The following PRKAR1B variants were observed in gnomAD, a reference collection of about 807,000 sequenced individuals.
PRKAR1B encodes the protein protein kinase cAMP-dependent type I regulatory subunit beta.
In PRKAR1B, 22 loss-of-function variants were observed where a neutral mutation model predicts 46.5. That is an observed-to-expected ratio of 0.47 (90% confidence interval 0.34 to 0.68). PRKAR1B has a LOEUF of 0.68. Among genes scored for constraint, PRKAR1B ranks in the 30% least tolerant of loss-of-function variants. The pLI is 0.01. For missense variants in PRKAR1B, 445 were observed against 535.6 expected (o/e 0.83, Z 1.67); for synonymous variants, 259 against 217.7 (o/e 1.19, Z -1.67).
chr7:554,602 A>G (rs1299098268), intron 9 of PRKAR1B, among the ~76,000 whole-genome samples: 4 of 151,788 alleles, frequency 2.6e-5, no homozygotes, highest in Non-Finnish European at 4.4e-5. Flanking sequence ...AAGACAGGGG[A>G]GGCCACGGAT....
At chr7:652,097 G>A (rs562922899) in intron 4 of PRKAR1B, among the ~76,000 whole-genome samples, 139 of 116,272 alleles carry the variant, frequency 1.2e-3, no homozygotes, top group Non-Finnish European at 1.5e-3. Flanking sequence ...CACCCACACA[G>A]CGCTAGGAAC....
intron 1 of PRKAR1B, among the ~76,000 whole-genome samples, chr7:718,090 A>G (rs1780941568): frequency 6.6e-6 from 1 of 152,040 alleles, no homozygotes; most frequent in Non-Finnish European, 1.5e-5. Context: ...TGAATGCTGG[A>G]AACAACCAAG....
rs535065325 is a variant in PRKAR1B, at chr7:581,676, A to T, written c.770-2299T>A. 5.3e-4 allele frequency among the ~76,000 whole-genome samples: 80 copies of T among 152,340 alleles called. No homozygotes were observed. In the Middle Eastern group the frequency reaches 0.02, roughly 39 times the overall value. Reference sequence around the variant, plus strand: ...CTCCTGGCTACATTAATCTTGGATGAAAACTGACAGAAGAAACCACAGGGA... The same window carrying T: ...CTCCTGGCTACATTAATCTTGGATGTAAACTGACAGAAGAAACCACAGGGA... On this transcript the variant is annotated intron_variant, in intron 8 of 10. Transcript: ENST00000537384.
At chr7:634,791 C>T (rs1350121787) in intron 4 of PRKAR1B, among the ~76,000 whole-genome samples, 1 of 152,036 alleles carries the variant, frequency 6.6e-6, no homozygotes, top group Non-Finnish European at 1.5e-5. Context: ...AGGCACCCGC[C>T]ACCATGTCTG....
intron 1 of PRKAR1B, among the ~76,000 whole-genome samples, chr7:713,392 G>C (rs1242893552): frequency 6.6e-6 from 1 of 150,526 alleles, no homozygotes; most frequent in African/African-American, 2.4e-5. Context: ...TCACCTGCCC[G>C]GCTTCCCTGT....
At chr7:575,905 G>A (rs36036340) in intron 9 of PRKAR1B, among the ~76,000 whole-genome samples, 11,017 of 152,268 alleles carry the variant, frequency 0.072, 452 homozygotes, top group East Asian at 0.13. Flanking sequence ...GATTTCAGCT[G>A]TCGGTTTGCA....
intron 9 of PRKAR1B, among the ~76,000 whole-genome samples, chr7:574,887 T>A (rs1313189983): frequency 6.6e-6 from 1 of 152,234 alleles, no homozygotes; most frequent in Non-Finnish European, 1.5e-5. Flanking sequence ...TGTCAATGGT[T>A]GTAAAACCTA....
intron 4 of PRKAR1B, among the ~76,000 whole-genome samples, chr7:658,960 T>TA (rs1450356423): frequency 2.0e-5 from 3 of 152,092 alleles, no homozygotes; most frequent in African/African-American, 4.8e-5. Flanking sequence ...CTAATGTTTT[T>TA]AAAAAAATAT....
intron 3 of PRKAR1B, 38 bp downstream of exon 3, chr7:680,518 G>A: frequency 6.4e-7 from 1 of 1,571,912 alleles, no homozygotes; most frequent in Non-Finnish European, 8.6e-7. Context: ...CACGTGCCGA[G>A]GCCTGGGGAC....
intron 4 of PRKAR1B, among the ~76,000 whole-genome samples, chr7:637,619 A>T (rs1784186333): frequency 6.6e-6 from 1 of 152,104 alleles, no homozygotes; most frequent in Non-Finnish European, 1.5e-5. Context: ...GGATCACCTG[A>T]GGTCAGGAGA....
upstream of PRKAR1B, among the ~76,000 whole-genome samples, chr7:728,479 C>G (rs898828149): frequency 6.6e-6 from 1 of 152,104 alleles, no homozygotes; most frequent in Non-Finnish European, 1.5e-5. Flanking sequence ...AAGAGCTGGA[C>G]TTGGGGAAAT....
intron 7 of PRKAR1B, among the ~76,000 whole-genome samples, chr7:595,269 G>T (rs779022771): frequency 1.1e-4 from 17 of 152,182 alleles, no homozygotes; most frequent in Admixed American, 7.2e-4. Context: ...CTGCCCTGAG[G>T]CTCTGCTCAA....
chr7:624,757 A>G (rs1292479931), intron 4 of PRKAR1B, among the ~76,000 whole-genome samples: 1 of 152,236 alleles, frequency 6.6e-6, no homozygotes, highest in Non-Finnish European at 1.5e-5. Flanking sequence ...AGACAAATGC[A>G]CCATTATAGT....
intron 9 of PRKAR1B, among the ~76,000 whole-genome samples, chr7:558,905 A>G (rs1327642723): frequency 6.6e-6 from 1 of 152,114 alleles, no homozygotes; most frequent in South Asian, 2.1e-4. Flanking sequence ...GGATCACAGA[A>G]CTGGGGGCAG....
At chr7:651,375 C>G (rs956283803) in intron 4 of PRKAR1B, among the ~76,000 whole-genome samples, 1 of 152,226 alleles carries the variant, frequency 6.6e-6, no homozygotes, top group Admixed American at 6.5e-5. Context: ...CGGAAAGGAC[C>G]CCGAAACACA....
intron 3 of PRKAR1B, among the ~76,000 whole-genome samples, chr7:678,868 C>T (rs1366067891): frequency 1.3e-5 from 2 of 152,126 alleles, no homozygotes; most frequent in Non-Finnish European, 2.9e-5. Flanking sequence ...GGTGGATCAC[C>T]TGAGGTCAGA....
At chr7:556,910 G>C (rs1778478915) in intron 9 of PRKAR1B, among the ~76,000 whole-genome samples, 1 of 152,182 alleles carries the variant, frequency 6.6e-6, no homozygotes, top group Non-Finnish European at 1.5e-5. Flanking sequence ...CCGGCTCCCA[G>C]GGTACTGAAG....
At chr7:684,335 C>G (rs574167110) in intron 2 of PRKAR1B, among the ~76,000 whole-genome samples, 1 of 152,212 alleles carries the variant, frequency 6.6e-6, no homozygotes, top group Non-Finnish European at 1.5e-5. Context: ...TATATCTTGA[C>G]GGAGCTTCCC....
intron 1 of PRKAR1B, among the ~76,000 whole-genome samples, chr7:723,110 G>A (rs1781130560): frequency 6.6e-6 from 1 of 152,132 alleles, no homozygotes; most frequent in South Asian, 2.1e-4. Flanking sequence ...TGCTCGTTCT[G>A]GGTCTCTTTG....
Sources: allele counts gnomAD v4.1 joint callset (sites outside exome capture counted in the v4.1 genomes callset), GRCh38; gene constraint gnomAD v4.1.1; transcripts MANE v1.5; gene names NCBI Gene and HGNC (gene_info 2026-07-23, HGNC 2026-07-21).